The following FOXN2 variants were observed in gnomAD, a reference collection of about 807,000 sequenced individuals.
The protein encoded by FOXN2 is forkhead box N2.
A neutral mutation model predicts 41.2 loss-of-function variants in FOXN2; 19 were observed. The ratio of observed to expected loss-of-function variants is 0.46; its 90% CI spans 0.32 to 0.68. The LOEUF (loss-of-function observed/expected upper bound fraction) is 0.68, where lower values mean the gene tolerates loss of function less well. Ranked by LOEUF, FOXN2 falls within the 30% of genes least tolerant of loss-of-function variation. The pLI, the probability that FOXN2 is intolerant of heterozygous loss-of-function variation, is 0.03. For synonymous variants in FOXN2, 195 were observed against 176.8 expected, an observed-to-expected ratio of 1.10 and a Z score of -0.82; for missense variants, 587 against 509.4, an observed-to-expected ratio of 1.15 and a Z score of -1.47.
chr2:48,363,010 T>G (rs993606254), intron 5 of FOXN2, among the ~76,000 whole-genome samples: 7 of 152,184 alleles, frequency 4.6e-5, no homozygotes, highest in African/African-American at 1.7e-4. Flanking sequence ...TTACTATACT[T>G]TTTACTGTTA....
rs148472839 is a variant in FOXN2, at chr2:48,322,658, A to C, written c.-156-5903A>C. 3.9e-4 allele frequency among the ~76,000 whole-genome samples: 59 copies of C among 150,308 alleles called. No homozygotes were observed. The East Asian group carries it at 0.011, about 28-fold the overall frequency. ...TTTCTGAAATGATTTTTTCCCTTTT[A>C]TTTTAAATTCTTTCTTGAGCTCTAT... On this transcript the variant is annotated intron_variant, in intron 1 of 6. Transcript: ENST00000340553.
chr2:48,357,535 TG>T (rs1270140563), intron 3 of FOXN2, among the ~76,000 whole-genome samples: 1 of 151,686 alleles, frequency 6.6e-6, no homozygotes, highest in Non-Finnish European at 1.5e-5. Context: ...CGTTTCACTC[TG>T]TCACCCAGGC....
In FOXN2 at chr2:48,359,032, T is replaced by A. The variant is rs1671992576; in HGVS notation, c.538-15T>A. ...GTATAAAAGTTCCTAGTTATTCTTG[T>A]GCATTTTATTCTAGGTTAATGGAAA... is the stretch of plus-strand genomic sequence containing the variant. On this transcript the variant is annotated splice_polypyrimidine_tract_variant and intron_variant, in intron 3 of 6. Transcript: ENST00000340553. 3 of 1,586,158 alleles carry A rather than the reference T, an allele frequency of 1.9e-6. No homozygotes were observed. The highest frequency in any genetic ancestry group is 8.6e-7 in the Non-Finnish European group (1 of 1,157,772).
At chr2:48,327,018 A>G (rs550720628) in intron 1 of FOXN2, among the ~76,000 whole-genome samples, 1 of 152,154 alleles carries the variant, frequency 6.6e-6, no homozygotes, top group African/African-American at 2.4e-5. Flanking sequence ...TAGTTGTGAC[A>G]GTGAAAATGG....
intron 5 of FOXN2, among the ~76,000 whole-genome samples, chr2:48,365,338 A>G (rs1672463733): frequency 6.6e-6 from 1 of 152,190 alleles, no homozygotes; most frequent in Non-Finnish European, 1.5e-5. Context: ...CCTGTTACCT[A>G]CATCAGTCAA....
chr2:48,340,030 G>A (rs1670638933), intron 2 of FOXN2, among the ~76,000 whole-genome samples: 1 of 152,160 alleles, frequency 6.6e-6, no homozygotes, highest in South Asian at 2.1e-4. Flanking sequence ...TTTATGTGAT[G>A]TTTAAATGTG....
chr2:48,336,188 G>C (rs1373560560), intron 2 of FOXN2, among the ~76,000 whole-genome samples: 1 of 152,018 alleles, frequency 6.6e-6, no homozygotes, highest in Non-Finnish European at 1.5e-5. Context: ...CAGATCACTT[G>C]AGGTCAGGAG....
intron 5 of FOXN2, 30 bp downstream of exon 5, chr2:48,362,737 C>T (rs1018181935): frequency 1.9e-6 from 3 of 1,564,842 alleles, no homozygotes; most frequent in Middle Eastern, 1.7e-4. Flanking sequence ...CAGTCATGCA[C>T]CACACAACAA....
intron 1 of FOXN2, among the ~76,000 whole-genome samples, chr2:48,320,198 T>G (rs1669205789): frequency 6.6e-6 from 1 of 152,154 alleles, no homozygotes; most frequent in Admixed American, 6.5e-5. Flanking sequence ...CTATGCTGAT[T>G]GAAGAATTAT....
intron 3 of FOXN2, 87 bp downstream of exon 3, chr2:48,346,838 CAAT>C (rs1671136549): frequency 8.9e-7 from 1 of 1,118,196 alleles, no homozygotes; most frequent in Non-Finnish European, 1.2e-6. Context: ...ATCGGGGAGA[CAAT>C]AAGTAGTCAA....
At chr2:48,351,872 T>G (rs1047117291) in intron 3 of FOXN2, among the ~76,000 whole-genome samples, 3 of 152,132 alleles carry the variant, frequency 2.0e-5, no homozygotes, top group Non-Finnish European at 4.4e-5. Context: ...TGAAGTGTGC[T>G]TTGAAAAAAG....
chr2:48,328,114 ATAT>A (rs1474619202), intron 1 of FOXN2, among the ~76,000 whole-genome samples: 2 of 152,252 alleles, frequency 1.3e-5, no homozygotes, highest in Non-Finnish European at 2.9e-5. Context: ...AGGCATTGAA[ATAT>A]TATTATACAT....
At chr2:48,330,381 T>C (rs747884425) in intron 2 of FOXN2, among the ~76,000 whole-genome samples, 45 of 152,330 alleles carry the variant, frequency 3.0e-4, no homozygotes, top group African/African-American at 8.9e-4. Context: ...ATTGAACTAA[T>C]TGCTATGCAG....
intron 5 of FOXN2, among the ~76,000 whole-genome samples, chr2:48,367,872 C>T (rs942620488): frequency 3.3e-5 from 5 of 152,140 alleles, no homozygotes; most frequent in Admixed American, 1.3e-4. Flanking sequence ...AATGGTGTCT[C>T]GCTCTGTCAA....
At position 48,362,699 on chromosome 2, in the gene FOXN2, A is replaced by G. The variant is rs770357690; in HGVS notation, c.695A>G (p.Asn232Ser). 6.8e-6 allele frequency: 11 copies of G among 1,613,392 alleles called. No individual in the cohort carries two copies. The African/African-American group carries it at 1.5e-4, about 22-fold the overall frequency. ...SSVIKQNQVRNLKESDIDAAA... is the reference protein window; with the variant it reads ...SSVIKQNQVRSLKESDIDAAA... ...GTAATCAAGCAGAACCAGGTGCGAA[A>G]CCTCAAAGGTATGTGTGAATATCAG... Residue 232 changes from asparagine (N) to serine (S), a missense_variant, in exon 5 of 7, where the codon AAC becomes AGC. Asn to Ser is a conservative substitution (Grantham distance 46). Transcript: ENST00000340553.
At chr2:48,371,535 G>A (rs550779316) in intron 5 of FOXN2, among the ~76,000 whole-genome samples, 19 of 152,178 alleles carry the variant, frequency 1.2e-4, no homozygotes, top group East Asian at 3.9e-4. Flanking sequence ...TTTGAGGTCT[G>A]TTTGTATTTT....
At chr2:48,342,769 A>T (rs1165068586) in intron 2 of FOXN2, among the ~76,000 whole-genome samples, 1 of 152,134 alleles carries the variant, frequency 6.6e-6, no homozygotes, top group Non-Finnish European at 1.5e-5. Context: ...ATAGTTTATA[A>T]ACGGCTTTTT....
chr2:48,375,428 G>A lies in FOXN2; in HGVS notation c.1281G>A (p.Lys427=), dbSNP rs917524043. The change falls in exon 7 of 7, where the codon AAG becomes AAA. Residue 427 remains lysine, a synonymous_variant. Coordinates refer to ENST00000340553, the MANE Select transcript of FOXN2 (RefSeq NM_002158.4). ...LISTAKTQNQ[K]QRKK The stretch of plus-strand genomic sequence containing the variant: ...GTACTGCAAAGACACAAAATCAAAA[G>A]CAACGGAAAAAATAGAAATACTTAA... The A allele has an allele frequency of 3.7e-6, 6 of 1,602,838 alleles. No individual in the cohort carries two copies. Among genetic ancestry groups the A allele is most frequent in the Admixed American group, 1.7e-5 (1 of 57,994 alleles).
chr2:48,315,230 A>G (rs1409433007), intron 1 of FOXN2, among the ~76,000 whole-genome samples: 2 of 152,132 alleles, frequency 1.3e-5, no homozygotes, highest in African/African-American at 2.4e-5. Context: ...AAGTACCCCA[A>G]GCACCTCGGA....
Sources: gnomAD v4.1 joint callset for allele counts (sites outside exome capture counted in the v4.1 genomes callset) on GRCh38, gnomAD v4.1.1 for gene constraint, MANE v1.5 for transcripts, NCBI Gene and HGNC (gene_info 2026-07-23, HGNC 2026-07-21) for gene names.